Variants in GRID2 observed in about 807,000 individuals in gnomAD.
GRID2 encodes the protein glutamate ionotropic receptor delta type subunit 2, also known as glutamate receptor ionotropic, delta-2.
GRID2 carries 33 observed loss-of-function variants against 114.8 expected under a neutral mutation model. The observed-to-expected ratio is 0.29, with a 90% confidence interval of 0.22 to 0.38. The LOEUF is 0.38. Ranked by LOEUF, GRID2 falls within the 10% of genes least tolerant of loss-of-function variation. The pLI is 1.00. For missense variants in GRID2, 1,184 were observed against 1,257.7 expected, an observed-to-expected ratio of 0.94 and a Z score of 0.89; for synonymous variants, 505 against 449.9, an observed-to-expected ratio of 1.12 and a Z score of -1.55.
At chr4:92,450,655 G>C (rs1415346404) in intron 1 of GRID2, among the ~76,000 whole-genome samples, 1 of 151,476 alleles carries the variant, frequency 6.6e-6, no homozygotes, top group Non-Finnish European at 1.5e-5. Context: ...TTTTTCACTT[G>C]ATTTTTCTAC....
intron 2 of GRID2, among the ~76,000 whole-genome samples, chr4:92,990,738 A>G (rs1351086639): frequency 2.6e-5 from 4 of 152,054 alleles, no homozygotes; most frequent in African/African-American, 9.7e-5. Flanking sequence ...ATACTTTCAC[A>G]GACACAGAGA....
intron 14 of GRID2, among the ~76,000 whole-genome samples, chr4:93,725,112 T>A (rs1300242092): frequency 2.0e-5 from 3 of 152,124 alleles, no homozygotes; most frequent in Non-Finnish European, 4.4e-5. Context: ...TAGGTATATC[T>A]CCTAATGCTA....
chr4:93,614,111 A>C (rs1036439712), intron 13 of GRID2, among the ~76,000 whole-genome samples: 4 of 152,134 alleles, frequency 2.6e-5, no homozygotes, highest in African/African-American at 9.6e-5. Flanking sequence ...TGACTGGGAA[A>C]GGGAACTCCC....
At chr4:93,464,653 A>G (rs1264927500) in intron 11 of GRID2, among the ~76,000 whole-genome samples, 3 of 152,174 alleles carry the variant, frequency 2.0e-5, no homozygotes, top group African/African-American at 7.2e-5. Flanking sequence ...ATATATATCA[A>G]TGTCACTAGT....
chr4:92,703,071 C>G (rs1734760820), intron 2 of GRID2, among the ~76,000 whole-genome samples: 1 of 152,014 alleles, frequency 6.6e-6, no homozygotes, highest in South Asian at 2.1e-4. Flanking sequence ...GAAAAAATTA[C>G]CATATATGAA....
At chr4:92,358,168 T>C (rs142800284) in intron 1 of GRID2, among the ~76,000 whole-genome samples, 85 of 152,086 alleles carry the variant, frequency 5.6e-4, no homozygotes, top group African/African-American at 1.9e-3. Flanking sequence ...GCAGTCTGTC[T>C]GGGATGCCTA....
At chr4:92,349,377 CA>C (rs772932227) in intron 1 of GRID2, among the ~76,000 whole-genome samples, 30 of 151,632 alleles carry the variant, frequency 2.0e-4, no homozygotes, top group Admixed American at 1.1e-3. Context: ...TTAATAATGC[CA>C]ATTATTATCT....
rs570578293 is a variant in GRID2 at position 93,679,554 on chromosome 4, A to G, written c.2360+53119A>G. ...TAAAGCACTCCTCAGCAAATGTAAA[A>G]GAACAGAAATTATAACAAACTGTCT... On this transcript the variant is annotated intron_variant, in intron 14 of 15. Transcript: ENST00000282020. 3.1e-4 allele frequency among the ~76,000 whole-genome samples: 47 copies of G among 151,122 alleles called. 3 individuals carry two copies. The highest frequency in any genetic ancestry group is 1.1e-3 in the African/African-American group (46 of 40,738).
chr4:92,792,456 A>AACACACACACAC lies in GRID2; in HGVS notation c.244+202207_244+202218dup, dbSNP rs35204445. Among the ~76,000 whole-genome samples the AACACACACACAC allele has an allele frequency of 2.4e-3, 323 of 136,174 alleles. 1 individual carries two copies. The highest frequency in any genetic ancestry group is 8.2e-3 in the African/African-American group (297 of 36,222). 89.3% of individuals were successfully genotyped at this position (136,174 alleles called of 152,430 possible). A position where few individuals can be genotyped will look rare whatever the true frequency, so the allele number is the denominator to read the frequency against. ...AAATGATTTTATTAGCAGGCAAGAG[A>AACACACACACAC]ACACACACACACACACACACACACA... On this transcript the variant is annotated intron_variant, in intron 2 of 15. Coordinates refer to ENST00000282020, the MANE Select transcript of GRID2 (RefSeq NM_001510.4).
At chr4:92,724,782 A>T (rs1735986507) in intron 2 of GRID2, among the ~76,000 whole-genome samples, 2 of 152,176 alleles carry the variant, frequency 1.3e-5, no homozygotes, top group African/African-American at 4.8e-5. Flanking sequence ...ATATGCACGA[A>T]GTATTTAGAG....
At chr4:93,603,508 C>T (rs1037336891) in intron 13 of GRID2, among the ~76,000 whole-genome samples, 5 of 152,204 alleles carry the variant, frequency 3.3e-5, no homozygotes, top group Non-Finnish European at 5.9e-5. Flanking sequence ...GATGCAGACA[C>T]TGCGGCAGGT....
intron 11 of GRID2, among the ~76,000 whole-genome samples, chr4:93,468,674 T>C (rs1164187828): frequency 1.3e-5 from 2 of 151,978 alleles, no homozygotes; most frequent in African/African-American, 4.8e-5. Context: ...TGAGTTCAGA[T>C]GAGATTGACC....
At chr4:92,432,768 T>A (rs551814386) in intron 1 of GRID2, among the ~76,000 whole-genome samples, 2 of 152,072 alleles carry the variant, frequency 1.3e-5, no homozygotes, top group South Asian at 4.2e-4. Context: ...CAAGCTTCAA[T>A]ATAAAGTCCC....
chr4:93,688,707 C>A (rs543190079), intron 14 of GRID2, among the ~76,000 whole-genome samples: 4 of 151,092 alleles, frequency 2.6e-5, no homozygotes, highest in Admixed American at 2.6e-4. Context: ...AAAAGAGTGG[C>A]CCTCTTATAA....
At chr4:92,645,452 A>T (rs1386892265) in intron 2 of GRID2, among the ~76,000 whole-genome samples, 4 of 151,814 alleles carry the variant, frequency 2.6e-5, no homozygotes, top group Non-Finnish European at 5.9e-5. Context: ...CAGTTATGTT[A>T]TAGGAAGAAC....
intron 12 of GRID2, among the ~76,000 whole-genome samples, chr4:93,491,223 A>C (rs1726971970): frequency 1.3e-5 from 2 of 151,890 alleles, no homozygotes; most frequent in Admixed American, 6.6e-5. Context: ...GATTGGGGAG[A>C]AAAGAAAAGG....
chr4:93,460,734 TAAC>T (rs1723658687), intron 11 of GRID2, among the ~76,000 whole-genome samples: 1 of 152,184 alleles, frequency 6.6e-6, no homozygotes, highest in Admixed American at 6.5e-5. Context: ...GCTAAATACT[TAAC>T]TAAATAAAGC....
intron 8 of GRID2, among the ~76,000 whole-genome samples, chr4:93,291,144 G>T (rs879496489): frequency 4.6e-5 from 7 of 151,538 alleles, no homozygotes; most frequent in Admixed American, 1.3e-4. Context: ...AAGTGCTGGG[G>T]TTATAGGCGT....
intron 2 of GRID2, among the ~76,000 whole-genome samples, chr4:92,862,148 C>T (rs1352622602): frequency 6.6e-6 from 1 of 151,994 alleles, no homozygotes; most frequent in Non-Finnish European, 1.5e-5. Context: ...TAAAACCTCT[C>T]GACAAGCATT....
Sources: allele counts gnomAD v4.1 joint callset (sites outside exome capture counted in the v4.1 genomes callset), GRCh38; gene constraint gnomAD v4.1.1; transcripts MANE v1.5; gene names NCBI Gene and HGNC (gene_info 2026-07-23, HGNC 2026-07-21).